The following ERCC6L2 variants were observed in gnomAD, a reference collection of about 807,000 sequenced individuals.
ERCC6L2 encodes the protein ERCC excision repair 6 like 2.
Under a neutral mutation model 132.0 loss-of-function variants are expected in ERCC6L2, and 77 were observed. The ratio of observed to expected loss-of-function variants is 0.58; its 90% confidence interval spans 0.49 to 0.71. The LOEUF (loss-of-function observed/expected upper bound fraction) is 0.71. Ranked by LOEUF, ERCC6L2 falls within the 30% of genes least tolerant of loss-of-function variation. The pLI, the probability that ERCC6L2 is intolerant of heterozygous loss-of-function variation, is 0.00. For missense variants in ERCC6L2, 1,542 were observed against 1,837.6 expected (o/e 0.84, Z 2.94); for synonymous variants, 583 against 632.4 (o/e 0.92, Z 1.17).
chr9:95,995,669 T>C (rs1833446692), intron 17 of ERCC6L2, among the ~76,000 whole-genome samples: 1 of 152,240 alleles, frequency 6.6e-6, no homozygotes, highest in Non-Finnish European at 1.5e-5. Context: ...TCCAACAATA[T>C]GTGCTCACTT....
At chr9:95,906,246 T>A (rs542379129) in intron 3 of ERCC6L2, among the ~76,000 whole-genome samples, 48 of 152,176 alleles carry the variant, frequency 3.2e-4, no homozygotes, top group Non-Finnish European at 5.9e-4. Flanking sequence ...AGATAGATGT[T>A]GGGTTAAGGA....
chr9:96,006,428 C>G (rs1833864336), intron 18 of ERCC6L2, among the ~76,000 whole-genome samples: 1 of 152,226 alleles, frequency 6.6e-6, no homozygotes. Context: ...GCAGGAGCAG[C>G]CTGGGAAGCA....
At chr9:96,040,417 C>T (rs689744) in intron 20 of ERCC6L2, among the ~76,000 whole-genome samples, 36,832 of 152,212 alleles carry the variant, frequency 0.24, 5,389 homozygotes, top group East Asian at 0.37. Flanking sequence ...CCCACGGTTC[C>T]TCGTGTGAAC....
At chr9:96,021,146 A>G, downstream of ERCC6L2, 1 of 377,000 alleles carries the variant, frequency 2.7e-6, no homozygotes, top group Non-Finnish European at 5.3e-6. The surrounding 1 kb of genome is among the most constrained non-coding windows in gnomAD (Gnocchi z 4.7). Context: ...CCGCGGGCCA[A>G]GTGTCGGGCT....
intron 11 of ERCC6L2, 48 bp from the exon 12 acceptor site, chr9:95,941,405 GT>G: frequency 7.4e-7 from 1 of 1,350,568 alleles, no homozygotes; most frequent in African/African-American, 1.4e-5. Context: ...TAGCACAACA[GT>G]TAGTTTTTGC....
At chr9:96,004,741 C>T (rs1833807596) in intron 18 of ERCC6L2, 40 bp downstream of exon 18, 1 of 1,224,994 alleles carries the variant, frequency 8.2e-7, no homozygotes, top group Admixed American at 2.4e-5. Context: ...AAGAATAATT[C>T]TCAAAGGAAA....
At chr9:96,006,975 T>C (rs1437780849) in intron 18 of ERCC6L2, among the ~76,000 whole-genome samples, 1 of 152,128 alleles carries the variant, frequency 6.6e-6, no homozygotes, top group Non-Finnish European at 1.5e-5. Flanking sequence ...CTTCAGTTGC[T>C]CTGTTGCAGA....
At chr9:95,952,117 G>A (rs185184105) in intron 12 of ERCC6L2, among the ~76,000 whole-genome samples, 5 of 122,012 alleles carry the variant, frequency 4.1e-5, no homozygotes, top group Non-Finnish European at 6.3e-5. Flanking sequence ...GCAGTGAGCC[G>A]AGATCAAGCC....
chr9:95,879,516 G>A (rs1207778139), intron 1 of ERCC6L2, among the ~76,000 whole-genome samples: 2 of 152,120 alleles, frequency 1.3e-5, no homozygotes, highest in African/African-American at 4.8e-5. Flanking sequence ...ATGAAAATTG[G>A]GCCCATTGAC....
intron 12 of ERCC6L2, among the ~76,000 whole-genome samples, chr9:95,944,336 A>G (rs1026782309): frequency 1.1e-4 from 17 of 152,216 alleles, no homozygotes; most frequent in African/African-American, 4.1e-4. Context: ...ATCCATAGAG[A>G]TAGAAAGTAG....
At position 96,015,647 on chromosome 9, in the gene ERCC6L2, A is replaced by AGG. The variant is rs1381544171; in HGVS notation, c.*2444_*2445insGG. 6.7e-6 allele frequency among the ~76,000 whole-genome samples: 1 copy of AGG among 149,152 alleles called. No homozygotes were observed. ...CGTCTCTACTAAAAAAAAAAAAAAT[A>AGG]CAAAAATTAGCCAGGCGTGGTGGTG... On this transcript the variant is annotated 3_prime_UTR_variant, in exon 19 of 19. Coordinates refer to ENST00000653738, the MANE Select transcript of ERCC6L2 (RefSeq NM_020207.7).
intron 6 of ERCC6L2, among the ~76,000 whole-genome samples, chr9:95,917,941 A>G (rs534081598): frequency 1.3e-4 from 20 of 152,332 alleles, no homozygotes; most frequent in African/African-American, 4.3e-4. Context: ...TTGTACTTCA[A>G]TCATTGACCA....
At chr9:95,992,686 C>T (rs1833343143) in intron 17 of ERCC6L2, among the ~76,000 whole-genome samples, 2 of 152,200 alleles carry the variant, frequency 1.3e-5, no homozygotes, top group Non-Finnish European at 2.9e-5. Flanking sequence ...TCCCCAGACA[C>T]TGGAGAGCCA....
intron 17 of ERCC6L2, among the ~76,000 whole-genome samples, chr9:96,003,803 T>G (rs1171673341): frequency 6.6e-6 from 1 of 152,248 alleles, no homozygotes; most frequent in Non-Finnish European, 1.5e-5. Context: ...GTTGTTATTG[T>G]TAAATTGTAT....
intron 10 of ERCC6L2, 42 bp downstream of exon 10, chr9:95,928,192 C>T (rs946598288): frequency 7.2e-7 from 1 of 1,389,070 alleles, no homozygotes; most frequent in Non-Finnish European, 1.0e-6. Context: ...CCAGCCTCAA[C>T]TTTTGAGGCA....
intron 2 of ERCC6L2, among the ~76,000 whole-genome samples, chr9:95,892,758 C>T (rs1828239370): frequency 6.6e-6 from 1 of 152,032 alleles, no homozygotes; most frequent in African/African-American, 2.4e-5. Flanking sequence ...CTAGTTTTAC[C>T]TTCATATATT....
At chr9:95,994,973 T>C (rs1208364371) in intron 17 of ERCC6L2, among the ~76,000 whole-genome samples, 1 of 152,218 alleles carries the variant, frequency 6.6e-6, no homozygotes, top group Non-Finnish European at 1.5e-5. Flanking sequence ...TGGAGAATAT[T>C]AATAGAGGGT....
At chr9:96,021,213 G>A (rs773321587), downstream of ERCC6L2, 1 of 351,066 alleles carries the variant, frequency 2.8e-6, no homozygotes, top group Middle Eastern at 1.0e-3. This position sits in a 1 kb window ranked among gnomAD's most constrained non-coding sequence, Gnocchi z 4.7. Context: ...GGGCACCCGC[G>A]GCGGGGCCCA....
In ERCC6L2 at chr9:95,956,002, A is replaced by T. The variant is rs147984545; in HGVS notation, c.1936A>T (p.Ile646Leu). 1 of 1,583,710 alleles carries T rather than the reference A, an allele frequency of 6.3e-7. No homozygotes were observed. The highest frequency in any genetic ancestry group is 1.8e-5 in the Admixed American group (1 of 54,790). The change falls in exon 13 of 19, where the codon ATA becomes TTA. Residue 646 changes from isoleucine (I) to leucine (L), a missense_variant. Around this residue, in one of 4 missense-constraint regions of ERCC6L2, gnomAD observed 945 missense variants for 1,105.2 expected, o/e 0.86. Coordinates refer to ENST00000653738, the MANE Select transcript of ERCC6L2 (RefSeq NM_020207.7). ...TVEEIMYLRQ[I>L]YKQQLHCVVV... ...GGAGGAAATCATGTATTTACGACAG[A>T]TATACAAGCAGGTAAATATGTTTCC... is the stretch of plus-strand genomic sequence containing the variant.
Sources: allele counts gnomAD v4.1 joint callset (sites outside exome capture counted in the v4.1 genomes callset), GRCh38; gene constraint gnomAD v4.1.1; regional missense constraint gnomAD v4.1.1; non-coding constraint Gnocchi (gnomAD v3.1); transcripts MANE v1.5; gene names NCBI Gene and HGNC (gene_info 2026-07-23, HGNC 2026-07-21).